The following DPYD variants were observed in gnomAD, a reference collection of about 807,000 sequenced individuals.
The protein encoded by DPYD is dihydropyrimidine dehydrogenase.
Under a neutral mutation model 116.2 loss-of-function variants are expected in DPYD, and 109 were observed. That is an observed-to-expected ratio of 0.94 (90% CI 0.80 to 1.10). The LOEUF is 1.10. Ranked by LOEUF, DPYD falls within the 50% of genes least tolerant of loss-of-function variation. The probability of loss-of-function intolerance (pLI) is 0.00; values close to 1 mark genes in which losing one functional copy is unlikely to be tolerated. For synonymous variants in DPYD, 440 were observed against 432.0 expected, an observed-to-expected ratio of 1.02 and a Z score of -0.23; for missense variants, 1,302 against 1,254.5, an observed-to-expected ratio of 1.04 and a Z score of -0.57.
intron 8 of DPYD, among the ~76,000 whole-genome samples, chr1:97,639,734 C>A (rs898068403): frequency 1.3e-5 from 2 of 152,014 alleles, no homozygotes; most frequent in African/African-American, 4.8e-5. Context: ...GGTAGGTAAA[C>A]AAAGAAATAA....
At chr1:97,202,637 TCTC>T (rs1490185118) in intron 19 of DPYD, among the ~76,000 whole-genome samples, 6 of 152,194 alleles carry the variant, frequency 3.9e-5, no homozygotes, top group Admixed American at 3.9e-4. Flanking sequence ...AGACTGATCT[TCTC>T]TGTTGCACTT....
chr1:97,190,433 C>G (rs1450281808), intron 20 of DPYD, among the ~76,000 whole-genome samples: 2 of 152,252 alleles, frequency 1.3e-5, no homozygotes, highest in East Asian at 3.9e-4. Flanking sequence ...CCCACTGACT[C>G]AGGATCAATG....
intron 13 of DPYD, among the ~76,000 whole-genome samples, chr1:97,491,302 AG>A (rs1301838931): frequency 4.0e-5 from 6 of 151,156 alleles, no homozygotes; most frequent in Non-Finnish European, 8.9e-5. Context: ...GCAGAGGTTC[AG>A]TGAGTTAATT....
intron 18 of DPYD, among the ~76,000 whole-genome samples, chr1:97,277,910 C>T (rs1370769578): frequency 6.6e-6 from 1 of 152,188 alleles, no homozygotes; most frequent in Non-Finnish European, 1.5e-5. Context: ...TCATTGTCAA[C>T]TATTCACTCT....
intron 18 of DPYD, among the ~76,000 whole-genome samples, chr1:97,255,355 C>T (rs1416507107): frequency 2.0e-5 from 3 of 152,144 alleles, no homozygotes; most frequent in African/African-American, 7.2e-5. Flanking sequence ...TGTGTTCCCA[C>T]CCAAATTTCA....
chr1:97,689,503 A>G (rs1229222374), intron 7 of DPYD, among the ~76,000 whole-genome samples: 1 of 152,086 alleles, frequency 6.6e-6, no homozygotes, highest in Non-Finnish European at 1.5e-5. Context: ...AAGTAGAAGA[A>G]TAAACAAGAT....
chr1:97,109,768 T>C (rs932173749), intron 20 of DPYD, among the ~76,000 whole-genome samples: 15 of 152,118 alleles, frequency 9.9e-5, no homozygotes, highest in Non-Finnish European at 1.3e-4. Context: ...GAAATGATCA[T>C]CATTTTGAAA....
intron 3 of DPYD, among the ~76,000 whole-genome samples, chr1:97,799,961 T>C (rs547080486): frequency 1.3e-5 from 2 of 151,906 alleles, no homozygotes; most frequent in African/African-American, 4.8e-5. Flanking sequence ...AATTCCCCCA[T>C]TAGTAGTGAT....
intron 14 of DPYD, among the ~76,000 whole-genome samples, chr1:97,422,506 A>G (rs1296434515): frequency 6.6e-6 from 1 of 152,178 alleles, no homozygotes; most frequent in African/African-American, 2.4e-5. Context: ...GAGGTAAAGT[A>G]GAGTAACCTT....
chr1:97,787,386 C>G (rs1667098786), intron 3 of DPYD, among the ~76,000 whole-genome samples: 3 of 152,160 alleles, frequency 2.0e-5, no homozygotes, highest in Non-Finnish European at 4.4e-5. Flanking sequence ...ATCACAACTG[C>G]TGGCTTAAAT....
chr1:97,730,372 C>A (rs573981350), intron 4 of DPYD, among the ~76,000 whole-genome samples: 2 of 152,038 alleles, frequency 1.3e-5, no homozygotes, highest in East Asian at 3.9e-4. Context: ...TAGGCATGCA[C>A]CATCACGCCC....
intron 4 of DPYD, among the ~76,000 whole-genome samples, chr1:97,729,581 A>C (rs558320905): frequency 2.0e-4 from 30 of 152,246 alleles, no homozygotes; most frequent in African/African-American, 6.0e-4. Context: ...TAGAATAAGA[A>C]ATACAGAAAG....
At chr1:97,329,574 C>G (rs367585364) in intron 16 of DPYD, among the ~76,000 whole-genome samples, 9 of 151,084 alleles carry the variant, frequency 6.0e-5, no homozygotes, top group African/African-American at 1.9e-4. Context: ...TGGCAAAACC[C>G]GGTATCTACT....
intron 19 of DPYD, among the ~76,000 whole-genome samples, chr1:97,221,811 T>C (rs1339528460): frequency 6.6e-6 from 1 of 152,092 alleles, no homozygotes; most frequent in Non-Finnish European, 1.5e-5. Flanking sequence ...TGACTTTGGA[T>C]ACCTAATTCA....
Position 97,573,986 on chromosome 1 carries a change from A to G in DPYD, c.1129-16T>C, listed in dbSNP as rs2102185214. 3.7e-6 allele frequency: 6 copies of G among 1,612,754 alleles called. No individual in the cohort carries two copies. The highest frequency in any genetic ancestry group is 5.1e-6 in the Non-Finnish European group (6 of 1,179,208). On this transcript the variant is annotated splice_polypyrimidine_tract_variant and intron_variant, in intron 10 of 22. Transcript: ENST00000370192. ...CAAGTTCCATCTAAAACAAAACAGA[A>G]CAGAGAAGAAACTTGAAAATGTTTC...
chr1:97,909,307 C>CTA (rs2101703009), intron 1 of DPYD, among the ~76,000 whole-genome samples: 1 of 152,112 alleles, frequency 6.6e-6, no homozygotes, highest in South Asian at 2.1e-4. Flanking sequence ...ATTATCAATC[C>CTA]TATTCCCTCT....
At chr1:97,461,382 T>C (rs1045621537) in intron 13 of DPYD, among the ~76,000 whole-genome samples, 2 of 152,194 alleles carry the variant, frequency 1.3e-5, no homozygotes, top group Non-Finnish European at 2.9e-5. Context: ...ATAAAAACTT[T>C]GGAAAACAGA....
At chr1:97,564,093 G>C (rs1276104280) in intron 11 of DPYD, among the ~76,000 whole-genome samples, 1 of 152,138 alleles carries the variant, frequency 6.6e-6, no homozygotes, top group African/African-American at 2.4e-5. Flanking sequence ...ACTGTACAAA[G>C]AAGGCAAAAA....
intron 13 of DPYD, among the ~76,000 whole-genome samples, chr1:97,476,642 C>A (rs771731065): frequency 1.9e-4 from 29 of 152,028 alleles, no homozygotes; most frequent in Non-Finnish European, 4.3e-4. Flanking sequence ...ACTACAATCC[C>A]AGTTCTAGGA....
Sources: gnomAD v4.1 joint callset for allele counts (sites outside exome capture counted in the v4.1 genomes callset) on GRCh38, gnomAD v4.1.1 for gene constraint, MANE v1.5 for transcripts, NCBI Gene and HGNC (gene_info 2026-07-23, HGNC 2026-07-21) for gene names.